The following UNC13C variants were observed in gnomAD, a reference collection of about 807,000 sequenced individuals.
The protein encoded by UNC13C is unc-13 homolog C, also known as protein unc-13 homolog C.
In UNC13C, 174 loss-of-function variants were observed where a neutral mutation model predicts 245.4. That is an observed-to-expected ratio of 0.71 (90% confidence interval 0.63 to 0.80). The LOEUF is 0.80. Ranked by LOEUF, UNC13C falls within the 30% of genes least tolerant of loss-of-function variation. The pLI is 0.00. For synonymous variants in UNC13C, 992 were observed against 895.1 expected (o/e 1.11, Z -1.93); for missense variants, 2,829 against 2,602.9 (o/e 1.09, Z -1.89).
At chr15:54,221,252 G>T (rs2035216119) in intron 4 of UNC13C, among the ~76,000 whole-genome samples, 1 of 151,882 alleles carries the variant, frequency 6.6e-6, no homozygotes, top group South Asian at 2.1e-4. Context: ...TCACAATGTT[G>T]TATAAAATAA....
chr15:53,868,969 G>T, the UNC13C span, among the ~76,000 whole-genome samples: 11 of 152,176 alleles, frequency 7.2e-5, no homozygotes, highest in African/African-American at 2.4e-4. Context: ...ATTTAGTCGG[G>T]CGTGGTGGTG....
chr15:54,274,662 G>T (rs2036780347), intron 10 of UNC13C, among the ~76,000 whole-genome samples: 1 of 116,340 alleles, frequency 8.6e-6, no homozygotes, highest in Non-Finnish European at 1.8e-5. Context: ...AGCTAATAAA[G>T]TAGACTTTTT....
rs1397189020 is a variant in UNC13C, at chr15:54,143,606, A to G, written c.3007-14A>G. Reference sequence around the variant, plus strand: ...AGCCTGTTTGTTTTGTTTTTCTCTTACTCTTCATTTAAGGCTCGAATAGTA... The same window carrying G: ...AGCCTGTTTGTTTTGTTTTTCTCTTGCTCTTCATTTAAGGCTCGAATAGTA... On this transcript the variant is annotated splice_polypyrimidine_tract_variant and intron_variant, in intron 3 of 32. Coordinates refer to ENST00000260323, the MANE Select transcript of UNC13C (RefSeq NM_001080534.3). 6.2e-7 allele frequency: 1 copy of G among 1,611,220 alleles called. No individual in the cohort carries two copies. The highest frequency in any genetic ancestry group is 8.5e-7 in the Non-Finnish European group (1 of 1,178,188).
At chr15:54,566,748 A>C (rs1037110762) in intron 29 of UNC13C, among the ~76,000 whole-genome samples, 5 of 152,134 alleles carry the variant, frequency 3.3e-5, no homozygotes, top group African/African-American at 1.2e-4. Context: ...AAAAACTGAG[A>C]AAATCAGCTC....
chr15:54,532,856 T>C, intron 25 of UNC13C, 61 bp from the exon 26 acceptor site: 2 of 1,144,228 alleles, frequency 1.7e-6, no homozygotes, highest in Non-Finnish European at 1.2e-6. Flanking sequence ...CAGGGTGAAA[T>C]TGGAACAGGC....
chr15:54,319,904 A>G (rs1256433648), intron 13 of UNC13C, among the ~76,000 whole-genome samples: 1 of 152,000 alleles, frequency 6.6e-6, no homozygotes, highest in African/African-American at 2.4e-5. Context: ...GAAGTAACAA[A>G]CTTGGACCCT....
chr15:54,215,491 A>AAACC (rs1193190256), intron 4 of UNC13C, among the ~76,000 whole-genome samples: 1 of 151,998 alleles, frequency 6.6e-6, no homozygotes, highest in Non-Finnish European at 1.5e-5. Flanking sequence ...ACCACTTCTG[A>AAACC]AACCATGTTT....
At chr15:54,420,066 G>C (rs1319631916) in intron 19 of UNC13C, among the ~76,000 whole-genome samples, 1 of 152,050 alleles carries the variant, frequency 6.6e-6, no homozygotes, top group Non-Finnish European at 1.5e-5. Context: ...AAGATGAACA[G>C]ATCCCCTGCA....
intron 19 of UNC13C, among the ~76,000 whole-genome samples, chr15:54,470,114 G>C (rs1892381654): frequency 6.6e-6 from 1 of 151,556 alleles, no homozygotes; most frequent in Admixed American, 6.6e-5. Flanking sequence ...AATCCCACTT[G>C]ATCATGGTGT....
chr15:54,200,019 A>T (rs1403159514), intron 4 of UNC13C, among the ~76,000 whole-genome samples: 2 of 152,166 alleles, frequency 1.3e-5, no homozygotes, highest in African/African-American at 4.8e-5. Context: ...ACCAAAAGTG[A>T]CTAGGAGTAG....
intron 30 of UNC13C, among the ~76,000 whole-genome samples, chr15:54,570,689 T>C (rs936762935): frequency 3.3e-5 from 5 of 152,160 alleles, no homozygotes; most frequent in Admixed American, 6.5e-5. Context: ...TTTGGAAAAT[T>C]GTGATGGGCA....
downstream of UNC13C, chr15:54,629,813 G>A (rs1347265283): frequency 2.0e-5 from 3 of 152,054 alleles, no homozygotes; most frequent in African/African-American, 4.8e-5. Context: ...ATGTTTAATT[G>A]CATCCAATTA....
In UNC13C at chr15:54,008,425, T is replaced by C. The variant is rs114084666; in HGVS notation, c.-256-4223T>C. On this transcript the variant is annotated intron_variant, in intron 1 of 32. Coordinates refer to ENST00000260323, the MANE Select transcript of UNC13C (RefSeq NM_001080534.3). ...TGCATACACAGTGCTTGGTACATAG[T>C]AAATAATAATTGAATGTTATTACTA... is the stretch of plus-strand genomic sequence containing the variant. 1.4e-3 allele frequency among the ~76,000 whole-genome samples: 218 copies of C among 152,328 alleles called. 1 individual carries two copies. Among genetic ancestry groups the C allele is most frequent in the African/African-American group, 5.1e-3 (212 of 41,584 alleles).
chr15:54,213,755 G>C (rs1026592218), intron 4 of UNC13C, among the ~76,000 whole-genome samples: 8 of 152,052 alleles, frequency 5.3e-5, no homozygotes, highest in African/African-American at 1.9e-4. Flanking sequence ...ATATCAAGCA[G>C]TTCAAAAGGG....
In UNC13C at chr15:54,106,552, CTCT is replaced by C. The variant is rs1218075041; in HGVS notation, c.2984-36461_2984-36459del. Among the ~76,000 whole-genome samples the C allele has an allele frequency of 2.0e-5, 3 of 152,246 alleles. No homozygotes were observed. The East Asian group carries it at 5.8e-4, about 29-fold the overall frequency. On this transcript the variant is annotated intron_variant, in intron 2 of 32. Coordinates refer to ENST00000260323, the MANE Select transcript of UNC13C (RefSeq NM_001080534.3). ...CATACACATCCTTGTTCTCTTATTG[CTCT>C]TCTTTAGTTTCAGCAGAAAAAAAAT...
intron 4 of UNC13C, among the ~76,000 whole-genome samples, chr15:54,149,757 T>G (rs1262278861): frequency 1.3e-5 from 2 of 152,224 alleles, no homozygotes; most frequent in East Asian, 3.8e-4. Context: ...GTTCTACATC[T>G]GTGGATTCAA....
the UNC13C span, among the ~76,000 whole-genome samples, chr15:53,894,798 T>A: frequency 6.6e-6 from 1 of 152,180 alleles, no homozygotes. Context: ...TTTGTAAAAC[T>A]TTTATTATAG....
chr15:53,991,145 T>C (rs1894369265), intron 1 of UNC13C, among the ~76,000 whole-genome samples: 1 of 152,024 alleles, frequency 6.6e-6, no homozygotes, highest in African/African-American at 2.4e-5. Flanking sequence ...TCTATTAGGG[T>C]ATCATTTATA....
the UNC13C span, among the ~76,000 whole-genome samples, chr15:53,898,478 T>C: frequency 6.6e-6 from 1 of 151,942 alleles, no homozygotes; most frequent in African/African-American, 2.4e-5. Context: ...AGCTATATTC[T>C]TCAAAAAAAT....
Sources: allele counts gnomAD v4.1 joint callset (sites outside exome capture counted in the v4.1 genomes callset), GRCh38; gene constraint gnomAD v4.1.1; transcripts MANE v1.5; gene names NCBI Gene and HGNC (gene_info 2026-07-23, HGNC 2026-07-21).